The following TPM4 variants were observed in gnomAD, a reference collection of about 807,000 sequenced individuals.
TPM4 encodes the protein tropomyosin 4.
A neutral mutation model predicts 35.8 loss-of-function variants in TPM4; 17 were observed. The observed-to-expected ratio is 0.47, with a 90% CI of 0.32 to 0.71. The LOEUF (loss-of-function observed/expected upper bound fraction) is 0.71, where lower values mean the gene tolerates loss of function less well. TPM4 is among the 30% of genes least tolerant of loss of function. The pLI, the probability that TPM4 is intolerant of heterozygous loss-of-function variation, is 0.03. For missense variants in TPM4, 240 were observed against 320.9 expected (o/e 0.75, Z 1.93); for synonymous variants, 120 against 122.9 (o/e 0.98, Z 0.15).
intron 7 of TPM4, among the ~76,000 whole-genome samples, chr19:16,097,098 C>T (rs994038941): frequency 1.3e-5 from 2 of 149,390 alleles, no homozygotes; most frequent in Non-Finnish European, 3.0e-5. Context: ...GGATTACAGT[C>T]GCGGACCACC....
intron 4 of TPM4, chr19:16,088,580 G>A: frequency 1.1e-5 from 11 of 1,035,570 alleles, no homozygotes; most frequent in East Asian, 8.1e-5. Flanking sequence ...TCTTGGCCCC[G>A]GGTGAGGAAT....
intron 4 of TPM4, 24 bp downstream of exon 4, chr19:16,088,121 C>G: frequency 6.2e-7 from 1 of 1,602,896 alleles, no homozygotes. Flanking sequence ...CAGGACTGAG[C>G]GAGGCTGGCT....
At chr19:16,068,622 T>C (rs2090321883) in intron 2 of TPM4, among the ~76,000 whole-genome samples, 1 of 152,256 alleles carries the variant, frequency 6.6e-6, no homozygotes, top group Admixed American at 6.5e-5. Flanking sequence ...TCTATGTGTT[T>C]AAGCATTTCT....
chr19:16,076,120 A>G (rs761869483), upstream of TPM4: 2 of 1,590,360 alleles, frequency 1.3e-6, no homozygotes, highest in Non-Finnish European at 1.7e-6. Flanking sequence ...TATTCCGAGG[A>G]CCTGAAGGAC....
In TPM4 at chr19:16,102,348, TA is replaced by T. The variant is rs2090771546; in HGVS notation, c.*1007del. The T allele has an allele frequency of 4.9e-6, 1 of 205,796 alleles. No individual in the cohort carries two copies. The highest frequency in any genetic ancestry group is 2.3e-5 in the African/African-American group (1 of 43,640). 12.7% of individuals were successfully genotyped at this position (205,796 alleles called of 1,614,324 possible). The stretch of plus-strand genomic sequence containing the variant: ...AGTGAGACTCCATCTCAAGAAAAAA[TA>T]AAAATAAAGTTGTTCTCTGAAGAGC... On this transcript the variant is annotated 3_prime_UTR_variant, in exon 8 of 8. Coordinates refer to ENST00000643579, the MANE Select transcript of TPM4 (RefSeq NM_003290.3).
upstream of TPM4, chr19:16,075,635 G>C (rs530793132): frequency 6.1e-6 from 1 of 163,258 alleles, no homozygotes; most frequent in African/African-American, 2.4e-5. Context: ...CAGAACCAGA[G>C]GGAGAAAGGC....
rs781509670 is a variant in TPM4, at chr19:16,067,765, C to T, written c.114+27C>T. On this transcript the variant is annotated intron_variant, in intron 2 of 2. Coordinates refer to the TPM4 transcript ENST00000589897. This position sits in a 1 kb window ranked among gnomAD's most constrained non-coding sequence, Gnocchi z 4.1. The stretch of plus-strand genomic sequence containing the variant: ...TGAGGTGCCCTCCGCTGGGCCGCTC[C>T]GGGCTGCTGGGAGTCCTCTCTGTGC... 6.2e-6 allele frequency: 10 copies of T among 1,602,230 alleles called. No individual in the cohort carries two copies. Among genetic ancestry groups the T allele is most frequent in the African/African-American group, 4.0e-5 (3 of 74,334 alleles).
chr19:16,079,893 G>A (rs1221469256), intron 1 of TPM4: 5 of 175,384 alleles, frequency 2.9e-5, no homozygotes, highest in African/African-American at 1.2e-4. Context: ...GTAGAGATGC[G>A]GTTTCACCAT....
chr19:16,088,937 G>C (rs529178870), intron 4 of TPM4, 108 bp from the exon 5 acceptor site: 1 of 1,554,868 alleles, frequency 6.4e-7, no homozygotes, highest in Admixed American at 1.9e-5. Context: ...GCCCCCCACC[G>C]GGGGAGCTGT....
At chr19:16,099,498 C>G (rs1226435810) in intron 7 of TPM4, among the ~76,000 whole-genome samples, 2 of 152,026 alleles carry the variant, frequency 1.3e-5, no homozygotes, top group Non-Finnish European at 2.9e-5. Context: ...GTAGAAGGAT[C>G]ACTTGAGCCC....
chr19:16,078,103 C>G (rs1701252994), intron 1 of TPM4: 4 of 398,456 alleles, frequency 1.0e-5, no homozygotes, highest in African/African-American at 2.1e-5. Flanking sequence ...CTGGGAAGAG[C>G]TCATAGACAA....
At chr19:16,095,133 C>T (rs893300343) in intron 7 of TPM4, 2 of 408,852 alleles carry the variant, frequency 4.9e-6, no homozygotes, top group Non-Finnish European at 6.8e-6. Flanking sequence ...ACAGCTTTCT[C>T]CTAGTCTGTG....
intron 7 of TPM4, 103 bp downstream of exon 7, chr19:16,093,856 G>A (rs1470443277): frequency 7.8e-7 from 1 of 1,286,604 alleles, no homozygotes; most frequent in East Asian, 2.5e-5. Context: ...GTTGGGCTTT[G>A]TTTGCCTTAG....
At chr19:16,095,139 C>A in intron 7 of TPM4, 1 of 447,306 alleles carries the variant, frequency 2.2e-6, no homozygotes, top group Non-Finnish European at 3.0e-6. Flanking sequence ...TTCTCCTAGT[C>A]TGTGCTTTGT....
chr19:16,078,255 A>G (rs2144922076), intron 1 of TPM4: 2 of 397,314 alleles, frequency 5.0e-6, no homozygotes, highest in East Asian at 7.1e-5. Context: ...TGCTGGGACC[A>G]GAGACATGGG....
intron 1 of TPM4, chr19:16,077,941 T>A (rs1043383420): frequency 3.4e-5 from 12 of 353,018 alleles, no homozygotes; most frequent in East Asian, 2.9e-4. Flanking sequence ...TTTTTTTTTT[T>A]ATTTTGGATT....
Position 16,067,683 on chromosome 19 carries a change from A to T in TPM4, c.59A>T (p.Asp20Val), listed in dbSNP as rs373696275. The change falls in exon 2 of 3, where the codon GAC becomes GTC. Residue 20 changes from aspartate to valine, a missense_variant. By Grantham distance (152) the Asp-to-Val change is radical (BLOSUM62 -3). Transcript: ENST00000589897. The surrounding 1 kb of genome is among the most constrained non-coding windows in gnomAD (Gnocchi z 4.1). ...AAGTTGGACAAGGAGAATGCCATCGACCGCGCGGAGCAGGCGGAGGCGGAT... is the reference window on the plus strand; with the variant it reads ...AAGTTGGACAAGGAGAATGCCATCGTCCGCGCGGAGCAGGCGGAGGCGGAT... The T allele has an allele frequency of 8.6e-5, 138 of 1,613,666 alleles. No homozygotes were observed. In the African/African-American group the frequency reaches 1.4e-3, roughly 16 times the overall value.
At chr19:16,082,942 A>G (rs1291091356) in intron 2 of TPM4, among the ~76,000 whole-genome samples, 1 of 149,688 alleles carries the variant, frequency 6.7e-6, no homozygotes, top group Non-Finnish European at 1.5e-5. Flanking sequence ...CAGTGAGGCA[A>G]GATTGTGCCA....
chr19:16,074,266 G>T (rs1190905145), upstream of TPM4: 3 of 152,232 alleles, frequency 2.0e-5, no homozygotes. Flanking sequence ...AGCTCAGGCA[G>T]TTATAACAAA....
Sources: gnomAD v4.1 joint callset for allele counts (sites outside exome capture counted in the v4.1 genomes callset) on GRCh38, gnomAD v4.1.1 for gene constraint, Gnocchi (gnomAD v3.1) non-coding constraint, MANE v1.5 for transcripts, NCBI Gene and HGNC (gene_info 2026-07-23, HGNC 2026-07-21) for gene names.